Variants in CSMD1 observed in about 807,000 individuals in gnomAD.
CSMD1 encodes CUB and sushi domain-containing protein 1.
A neutral mutation model predicts 417.5 loss-of-function variants in CSMD1; 213 were observed. That is an observed-to-expected ratio of 0.51 (90% CI 0.46 to 0.57). CSMD1 has a LOEUF of 0.57. Among genes scored for constraint, CSMD1 ranks in the 20% least tolerant of loss-of-function variants. The pLI, the probability that CSMD1 is intolerant of heterozygous loss-of-function variation, is 0.00. For synonymous variants in CSMD1, 2,862 were observed against 1,736.8 expected (o/e 1.65, Z -16.11); for missense variants, 6,923 against 4,529.7 (o/e 1.53, Z -15.17).
At chr8:3,508,300 G>A (rs1382352379) in intron 10 of CSMD1, among the ~76,000 whole-genome samples, 3 of 151,532 alleles carry the variant, frequency 2.0e-5, no homozygotes, top group East Asian at 3.9e-4. Context: ...CCCTCCCCCA[G>A]GGCAGGTGAG....
At chr8:3,151,750 T>C (rs1476747764) in intron 39 of CSMD1, among the ~76,000 whole-genome samples, 1 of 152,196 alleles carries the variant, frequency 6.6e-6, no homozygotes, top group Admixed American at 6.5e-5. Flanking sequence ...TCTTCTCCTC[T>C]CACACTCAAA....
At chr8:3,569,533 C>T (rs905789412) in intron 10 of CSMD1, among the ~76,000 whole-genome samples, 5 of 152,196 alleles carry the variant, frequency 3.3e-5, no homozygotes, top group Non-Finnish European at 5.9e-5. Context: ...TTAAAGTTTG[C>T]AGACCAGGTC....
chr8:4,379,452 G>T (rs867000143), intron 3 of CSMD1, among the ~76,000 whole-genome samples: 1 of 152,298 alleles, frequency 6.6e-6, no homozygotes, highest in East Asian at 1.9e-4. Context: ...TAATAATGCT[G>T]TGTCAACATT....
At chr8:4,749,297 A>C (rs758026322) in intron 1 of CSMD1, among the ~76,000 whole-genome samples, 1 of 152,236 alleles carries the variant, frequency 6.6e-6, no homozygotes, top group Non-Finnish European at 1.5e-5. Context: ...TTCCAAGGTT[A>C]CTTTTAGTTT....
intron 49 of CSMD1, among the ~76,000 whole-genome samples, chr8:3,059,753 T>G (rs967949336): frequency 1.3e-5 from 2 of 152,084 alleles, no homozygotes; most frequent in Non-Finnish European, 2.9e-5. Flanking sequence ...AAGATGTGGA[T>G]GGACTTGGAC....
chr8:3,557,589 C>A (rs924529951), intron 10 of CSMD1, among the ~76,000 whole-genome samples: 2 of 152,214 alleles, frequency 1.3e-5, no homozygotes, highest in Admixed American at 6.5e-5. Flanking sequence ...TTGGCCCCAA[C>A]AGCCTCTCAC....
intron 5 of CSMD1, among the ~76,000 whole-genome samples, chr8:3,972,773 G>A (rs905331431): frequency 2.0e-5 from 3 of 152,208 alleles, no homozygotes; most frequent in Admixed American, 1.3e-4. Context: ...TATATTCAAT[G>A]ATCTAGCACA....
intron 5 of CSMD1, among the ~76,000 whole-genome samples, chr8:3,908,498 A>T (rs1808256033): frequency 6.6e-6 from 1 of 152,194 alleles, no homozygotes; most frequent in Admixed American, 6.5e-5. Context: ...TCCCCTGGTA[A>T]AAAAACAAAA....
chr8:3,630,823 T>C (rs115209258), intron 7 of CSMD1, among the ~76,000 whole-genome samples: 2,004 of 152,272 alleles, frequency 0.013, 51 homozygotes, highest in African/African-American at 0.046. Context: ...AAGAGTTCCA[T>C]TGCTGATCTC....
chr8:4,202,013 G>A (rs970432932), intron 3 of CSMD1, among the ~76,000 whole-genome samples: 1 of 152,056 alleles, frequency 6.6e-6, no homozygotes, highest in African/African-American at 2.4e-5. Context: ...CTCTGGATGA[G>A]AAGAAACGAG....
At chr8:3,163,834 C>G (rs527317055) in intron 37 of CSMD1, among the ~76,000 whole-genome samples, 24 of 152,220 alleles carry the variant, frequency 1.6e-4, no homozygotes, top group African/African-American at 4.3e-4. Context: ...CCAGTCCCCA[C>G]CAGACCCTCA....
In CSMD1 at chr8:3,399,510, C is replaced by T; in HGVS notation, c.2286G>A (p.Leu762=). 8 of 1,599,394 alleles carry T rather than the reference C, an allele frequency of 5.0e-6. No individual in the cohort carries two copies. The highest frequency in any genetic ancestry group is 6.8e-6 in the Non-Finnish European group (8 of 1,173,672). ...PRCEAPCGGH[L]TASSGVILPP... ...GCAAAATGACTCCGCTGGACGCTGTCAGATGTCCACCACATGGAGCTAAAA... is the reference window on the plus strand; with the variant it reads ...GCAAAATGACTCCGCTGGACGCTGTTAGATGTCCACCACATGGAGCTAAAA... Residue 762 remains leucine (L), a synonymous_variant, in exon 16 of 70, where the codon CTG becomes CTA. Coordinates refer to ENST00000635120, the MANE Select transcript of CSMD1 (RefSeq NM_033225.6).
intron 5 of CSMD1, among the ~76,000 whole-genome samples, chr8:3,915,731 G>C (rs1015057072): frequency 1.3e-5 from 2 of 150,368 alleles, no homozygotes; most frequent in Non-Finnish European, 1.5e-5. Context: ...AATTTAGCTA[G>C]CAGCTCAAAT....
intron 2 of CSMD1, among the ~76,000 whole-genome samples, chr8:4,454,758 T>C (rs1226685801): frequency 6.6e-6 from 1 of 152,206 alleles, no homozygotes; most frequent in African/African-American, 2.4e-5. Flanking sequence ...AAAGGAAGAA[T>C]GTCTGAAATA....
intron 3 of CSMD1, among the ~76,000 whole-genome samples, chr8:4,310,870 A>G (rs1798523628): frequency 6.6e-6 from 1 of 152,170 alleles, no homozygotes; most frequent in Non-Finnish European, 1.5e-5. Context: ...TCAAAAGAAA[A>G]CTTACATGTG....
At position 3,420,481 on chromosome 8, in the gene CSMD1, T is replaced by C. The variant is rs556955973; in HGVS notation, c.1562-10876A>G. The stretch of plus-strand genomic sequence containing the variant: ...AAATACGACCTTCAGTTAATAACGT[T>C]TCCATGTTGTGATGCATGTACCTAA... On this transcript the variant is annotated intron_variant, in intron 12 of 69. Transcript: ENST00000635120. Among the ~76,000 whole-genome samples, 62 of 149,552 alleles carry C rather than the reference T, an allele frequency of 4.1e-4. 1 individual carries two copies. The South Asian group carries it at 7.7e-3, about 19-fold the overall frequency.
chr8:4,060,043 A>C (rs958953204), intron 3 of CSMD1, among the ~76,000 whole-genome samples: 3 of 152,230 alleles, frequency 2.0e-5, no homozygotes, highest in African/African-American at 7.2e-5. Context: ...AAAAATCCTC[A>C]ATAAAATACT....
intron 23 of CSMD1, 84 bp downstream of exon 23, chr8:3,343,210 A>T: frequency 4.1e-6 from 5 of 1,220,422 alleles, no homozygotes; most frequent in Non-Finnish European, 5.9e-6. Context: ...AAAAAAATCA[A>T]TATTTAAAAC....
At chr8:3,721,438 T>A (rs1253599687) in intron 6 of CSMD1, among the ~76,000 whole-genome samples, 1 of 152,126 alleles carries the variant, frequency 6.6e-6, no homozygotes, top group African/African-American at 2.4e-5. Context: ...CATCAAACAG[T>A]TAGCTGGCAC....
Sources: gnomAD v4.1 joint callset for allele counts (sites outside exome capture counted in the v4.1 genomes callset) on GRCh38, gnomAD v4.1.1 for gene constraint, MANE v1.5 for transcripts, NCBI Gene and HGNC (gene_info 2026-07-23, HGNC 2026-07-21) for gene names.